CARMIL2: variants seen among roughly 807,000 people sequenced by gnomAD.
CARMIL2 encodes capping protein, Arp2/3 and myosin-I linker protein 2.
CARMIL2 carries 96 observed loss-of-function variants against 173.3 expected under a neutral mutation model. The observed-to-expected ratio is 0.55, with a 90% CI of 0.47 to 0.66. The LOEUF is 0.66. CARMIL2 is among the 30% of genes least tolerant of loss of function. The pLI is 0.00. For missense variants in CARMIL2, 1,771 were observed against 1,906.7 expected (o/e 0.93, Z 1.33); for synonymous variants, 830 against 817.1 (o/e 1.02, Z -0.27).
In CARMIL2 at chr16:67,653,034, C is replaced by G. The variant is rs2142940793; in HGVS notation, c.2900C>G (p.Ala967Gly). 7.9e-7 allele frequency: 1 copy of G among 1,265,340 alleles called. No homozygotes were observed. Among genetic ancestry groups the G allele is most frequent in the Non-Finnish European group, 1.0e-6 (1 of 992,228 alleles). The allele number at this position is 1,265,340 out of a possible 1,614,324, so 78.4% of individuals were successfully genotyped here. A position where few individuals can be genotyped will look rare whatever the true frequency, so the allele number is the denominator to read the frequency against. The part of the protein sequence containing the change: ...VPFIHSAAEE[A>G]EPEPELAAPG... Reference sequence around the variant, plus strand: ...GTCCCCTCAGGTGCTGCTGAGGAAGCGGAGCCGGAGCCCGAGCTGGCGGCT... The same window carrying G: ...GTCCCCTCAGGTGCTGCTGAGGAAGGGGAGCCGGAGCCCGAGCTGGCGGCT... Residue 967 changes from alanine to glycine, a missense_variant, in exon 29 of 38, where the codon GCG becomes GGG. Physicochemically the swap from Ala to Gly is moderately conservative, Grantham distance 60. This residue lies in a region of CARMIL2 where 817 missense variants were observed against 903.5 expected (regional missense o/e 0.90). Transcript: ENST00000334583. The surrounding 1 kb of genome is among the most constrained non-coding windows in gnomAD (Gnocchi z 7.4).
chr16:67,648,227 T>C lies in CARMIL2; in HGVS notation c.1247T>C (p.Leu416Pro), dbSNP rs1567628990. Residue 416 changes from leucine (L) to proline (P), a missense_variant, in exon 14 of 38, where the codon CTC (leucine) becomes CCC (proline). Transcript: ENST00000334583. This position sits in a 1 kb window ranked among gnomAD's most constrained non-coding sequence, Gnocchi z 6.1. ...CCCCCCGCGGGTGTAGCCAACAGCC[T>C]CCCCCCGCAGCTCTTCGCAGCGGTA... ...LGPPAGVANS[L>P]PPQLFAAVSR... The C allele has an allele frequency of 1.9e-6, 3 of 1,599,254 alleles. No individual in the cohort carries two copies. The highest frequency in any genetic ancestry group is 1.7e-5 in the Admixed American group (1 of 58,448).
rs753595810 is a variant in CARMIL2, at chr16:67,647,145, C to A, written c.641C>A (p.Ser214Tyr). ...RDLALSVAALSYNLWFRCLSC... is the reference protein window; with the variant it reads ...RDLALSVAALYYNLWFRCLSC... ...CTGGCCTTGAGTGTGGCTGCCCTGT[C>A]CTACAACCTGTGGTTCCGGTGCCTC... Residue 214 changes from serine (S) to tyrosine (Y), a missense_variant, in exon 9 of 38, where the codon TCC becomes TAC. Around this residue, in one of 3 missense-constraint regions of CARMIL2, gnomAD observed 944 missense variants for 975.6 expected, o/e 0.97. Coordinates refer to ENST00000334583, the MANE Select transcript of CARMIL2 (RefSeq NM_001013838.3). 169 of 1,613,720 alleles carry A rather than the reference C, an allele frequency of 1.0e-4. No individual in the cohort carries two copies. The highest frequency in any genetic ancestry group is 1.4e-4 in the Non-Finnish European group (165 of 1,179,888).
rs1177566376 is a variant in CARMIL2 at position 67,649,694 on chromosome 16, G to A, written c.1919+75G>A. The A allele has an allele frequency of 2.6e-6, 4 of 1,560,148 alleles. No homozygotes were observed. Among genetic ancestry groups the A allele is most frequent in the Non-Finnish European group, 3.5e-6 (4 of 1,154,558 alleles). On this transcript the variant is annotated intron_variant, in intron 20 of 37. Transcript: ENST00000334583. This position sits in a 1 kb window ranked among gnomAD's most constrained non-coding sequence, Gnocchi z 6.7. The stretch of plus-strand genomic sequence containing the variant: ...AGGAGGGCACCGGGCTAAGGGGAGG[G>A]ACTGAATGAGGCGGAGCAAATGGAG...
At chr16:67,647,630 G>T in intron 11 of CARMIL2, 28 bp downstream of exon 11, 1 of 1,603,342 alleles carries the variant, frequency 6.2e-7, no homozygotes, top group East Asian at 2.2e-5. Flanking sequence ...GACCGCAGGG[G>T]TGGGCAGCAG....
Position 67,654,657 on chromosome 16 carries a change from G to A in CARMIL2, c.3547G>A (p.Glu1183Lys), listed in dbSNP as rs754498065. The A allele has an allele frequency of 1.3e-6, 2 of 1,586,436 alleles. No homozygotes were observed. The highest frequency in any genetic ancestry group is 8.6e-7 in the Non-Finnish European group (1 of 1,164,890). The change falls in exon 31 of 38, where the codon GAG (glutamate) becomes AAG (lysine). Residue 1183 changes from glutamate (E) to lysine (K), a missense_variant. By Grantham distance (56) the Glu-to-Lys change is moderately conservative. This residue lies in a region of CARMIL2 where 817 missense variants were observed against 903.5 expected (regional missense o/e 0.90). Transcript: ENST00000334583. ...KAYSMILLPA[E>K]EEATLGARPD... ...CTACTCGATGATACTGCTGCCTGCC[G>A]AGGAGGAGGCAACGCTGGGTGCCAG...
Position 67,649,829 on chromosome 16 carries a change from A to C in CARMIL2, c.1943A>C (p.His648Pro). ...RLRSVVWDRN[H>P]TSALGLLDVA... ...AGGTCTGTGGTCTGGGACCGGAACC[A>C]CACATCTGCTTTGGGTCTGCTGGAC... is the stretch of plus-strand genomic sequence containing the variant. Residue 648 changes from histidine (H) to proline (P), a missense_variant, in exon 21 of 38, where the codon CAC becomes CCC. This residue lies in a region of CARMIL2 where 944 missense variants were observed against 975.6 expected (regional missense o/e 0.97). Transcript: ENST00000334583. This position sits in a 1 kb window ranked among gnomAD's most constrained non-coding sequence, Gnocchi z 6.7. 2 of 1,612,510 alleles carry C rather than the reference A, an allele frequency of 1.2e-6. No individual in the cohort carries two copies. Among genetic ancestry groups the C allele is most frequent in the Non-Finnish European group, 1.7e-6 (2 of 1,179,602 alleles).
In CARMIL2 at chr16:67,649,557, C is replaced by T; in HGVS notation, c.1857C>T (p.Asn619=). ...PNLTALDISG[N]AMGDAGAKLL... ...TGACCGCGCTGGATATCAGCGGCAA[C>T]GCCATGGGGGACGCGGGCGCCAAGT... Residue 619 remains asparagine, a synonymous_variant, in exon 20 of 38, where the codon AAC becomes AAT. Transcript: ENST00000334583. This position sits in a 1 kb window ranked among gnomAD's most constrained non-coding sequence, Gnocchi z 6.7. 6.2e-7 allele frequency: 1 copy of T among 1,603,534 alleles called. No homozygotes were observed. Among genetic ancestry groups the T allele is most frequent in the Non-Finnish European group, 8.5e-7 (1 of 1,179,734 alleles).
Position 67,646,605 on chromosome 16 carries a change from C to T in CARMIL2, c.466+88C>T, listed in dbSNP as rs1246066502. 1.3e-6 allele frequency: 2 copies of T among 1,567,614 alleles called. No homozygotes were observed. The highest frequency in any genetic ancestry group is 1.8e-6 in the Non-Finnish European group (2 of 1,140,154). On this transcript the variant is annotated intron_variant, in intron 6 of 37. Coordinates refer to ENST00000334583, the MANE Select transcript of CARMIL2 (RefSeq NM_001013838.3). This position sits in a 1 kb window ranked among gnomAD's most constrained non-coding sequence, Gnocchi z 4.6. ...CAAGCTGGGGGGGCCCCAAACTGAA[C>T]AGAGCCATTCAGGTCCCAGCCACCA...
Position 67,653,325 on chromosome 16 carries a change from G to T in CARMIL2, c.3120+71G>T. 1 of 771,086 alleles carries T rather than the reference G, an allele frequency of 1.3e-6. No homozygotes were observed. Among genetic ancestry groups the T allele is most frequent in the Non-Finnish European group, 1.7e-6 (1 of 604,580 alleles). 47.8% of individuals were successfully genotyped at this position (771,086 alleles called of 1,614,324 possible). On this transcript the variant is annotated intron_variant, in intron 29 of 37. Coordinates refer to ENST00000334583, the MANE Select transcript of CARMIL2 (RefSeq NM_001013838.3). This position sits in a 1 kb window ranked among gnomAD's most constrained non-coding sequence, Gnocchi z 7.4. ...CGGGTGGCCCGGCCGCTCCTCATGG[G>T]TGGTAGCGGTCAAGGAGAGGGGGTG...
chr16:67,653,131 C>G lies in CARMIL2; in HGVS notation c.2997C>G (p.Pro999=). The change falls in exon 29 of 38, where the codon CCC becomes CCG. Residue 999 remains proline, a synonymous_variant. Coordinates refer to ENST00000334583, the MANE Select transcript of CARMIL2 (RefSeq NM_001013838.3). The surrounding 1 kb of genome is among the most constrained non-coding windows in gnomAD (Gnocchi z 7.4). ...RGSPSPAAPG[P]PAGPLPRMDL... is the part of the protein sequence containing the mutation. ...CTCCGAGCCCTGCCGCCCCTGGGCC[C>G]CCGGCCGGCCCGCTGCCCCGCATGG... 2.7e-6 allele frequency: 3 copies of G among 1,115,888 alleles called. No homozygotes were observed. Among genetic ancestry groups the G allele is most frequent in the South Asian group, 3.1e-5 (1 of 32,002 alleles). The allele number at this position is 1,115,888 out of a possible 1,614,324, so 69.1% of individuals were successfully genotyped here. A position where few individuals can be genotyped will look rare whatever the true frequency, so the allele number is the denominator to read the frequency against.
At position 67,652,510 on chromosome 16, in the gene CARMIL2, C is replaced by T. The variant is rs368511723; in HGVS notation, c.2856C>T (p.His952=). The change falls in exon 28 of 38, where the codon CAC becomes CAT. Residue 952 remains histidine, a synonymous_variant. Transcript: ENST00000334583. The surrounding 1 kb of genome is among the most constrained non-coding windows in gnomAD (Gnocchi z 4.7). ...CACAGAAATGGCCTGAGCTCAGCCA[C>T]GGTCTTCACCTGGTCCCCTTCATTC... ...SPPQKWPELS[H]GLHLVPFIHS... is the part of the protein sequence containing the mutation. The T allele has an allele frequency of 5.0e-6, 8 of 1,613,476 alleles. No individual in the cohort carries two copies. Among genetic ancestry groups the T allele is most frequent in the Non-Finnish European group, 6.8e-6 (8 of 1,179,798 alleles).
In CARMIL2 at chr16:67,651,594, CT is replaced by C; in HGVS notation, c.2427+81del. On this transcript the variant is annotated intron_variant, in intron 24 of 37. Transcript: ENST00000334583. This position sits in a 1 kb window ranked among gnomAD's most constrained non-coding sequence, Gnocchi z 4.2. Reference sequence around the variant, plus strand: ...CCTTTAGTTTTAACTGTGATATCCCCTGACTCAATATTCTGTTGGAGTTGGA... The same window carrying C: ...CCTTTAGTTTTAACTGTGATATCCCCGACTCAATATTCTGTTGGAGTTGGA... 1 of 1,566,846 alleles carries C rather than the reference CT, an allele frequency of 6.4e-7. No homozygotes were observed. The highest frequency in any genetic ancestry group is 1.2e-5 in the South Asian group (1 of 85,774).
At chr16:67,645,455 C>G in intron 1 of CARMIL2, 85 bp from the exon 2 acceptor site, 1 of 1,416,304 alleles carries the variant, frequency 7.1e-7, no homozygotes, top group Non-Finnish European at 9.8e-7. Flanking sequence ...CAGATAAGCC[C>G]CAGGGCCCCA....
intron 1 of CARMIL2, 47 bp from the exon 2 acceptor site, chr16:67,645,493 G>C (rs775280877): frequency 6.7e-7 from 1 of 1,495,006 alleles, no homozygotes. Context: ...GGCACCAGTG[G>C]CTTCTGTGCA....
chr16:67,655,999 G>A (rs933656757), intron 32 of CARMIL2, 32 bp from the exon 33 acceptor site: 3 of 1,570,220 alleles, frequency 1.9e-6, no homozygotes, highest in African/African-American at 2.7e-5. Context: ...GGAGCGGGCA[G>A]GGCTGGAATC....
At position 67,656,276 on chromosome 16, in the gene CARMIL2, C is replaced by G; in HGVS notation, c.3791C>G (p.Ser1264Cys). The G allele has an allele frequency of 6.2e-7, 1 of 1,614,002 alleles. No individual in the cohort carries two copies. The highest frequency in any genetic ancestry group is 8.5e-7 in the Non-Finnish European group (1 of 1,179,890). ...GAGGCCCCTCCCATCTCGATCAAGT[C>G]CCGCACCCACTCTGTGTCTGCTGGT... ...STEAPPISIKSRTHSVSADPS... is the reference protein window; with the variant it reads ...STEAPPISIKCRTHSVSADPS... Residue 1264 changes from serine (S) to cysteine (C), a missense_variant, in exon 34 of 38, where the codon TCC becomes TGC. Physicochemically the swap from Ser to Cys is moderately radical, Grantham distance 112 (BLOSUM62 -1). Transcript: ENST00000334583.
Position 67,653,245 on chromosome 16 carries a change from G to A in CARMIL2, c.3111G>A (p.Gly1037=). Residue 1037 remains glycine (G), a synonymous_variant, in exon 29 of 38, where the codon GGG becomes GGA. Transcript: ENST00000334583. This position sits in a 1 kb window ranked among gnomAD's most constrained non-coding sequence, Gnocchi z 7.4. ...RRQHHHRPPP[G]GPQVPPALPQ... is the part of the protein sequence containing the mutation. ...AGCACCACCACCGCCCGCCGCCGGG[G>A]GGCCCCCAGGTGAGCACCCTTCCCC... The A allele has an allele frequency of 8.8e-7, 1 of 1,140,224 alleles. No homozygotes were observed. The highest frequency in any genetic ancestry group is 1.1e-6 in the Non-Finnish European group (1 of 927,984). The allele number at this position is 1,140,224 out of a possible 1,614,324, so 70.6% of individuals were successfully genotyped here.
chr16:67,653,787 G>T lies in CARMIL2; in HGVS notation c.3121-362G>T, dbSNP rs560582428. Among the ~76,000 whole-genome samples, 1 of 152,186 alleles carries T rather than the reference G, an allele frequency of 6.6e-6. No homozygotes were observed. Among genetic ancestry groups the T allele is most frequent in the South Asian group, 2.1e-4 (1 of 4,828 alleles). ...CAGCAGGCCGGGTGGAGTGGGGGTG[G>T]GGTGGGGGACACTGCAGGGAACTGT... is the stretch of plus-strand genomic sequence containing the variant. On this transcript the variant is annotated intron_variant, in intron 29 of 37. Coordinates refer to ENST00000334583, the MANE Select transcript of CARMIL2 (RefSeq NM_001013838.3). This position sits in a 1 kb window ranked among gnomAD's most constrained non-coding sequence, Gnocchi z 7.4.
chr16:67,652,951 G>T lies in CARMIL2; in HGVS notation c.2885-68G>T. ...CCGCGCCCTGGGCGGGTCCCCCGCC[G>T]CCCTAGCGCCTCCGCCGCCACCTCC... On this transcript the variant is annotated intron_variant, in intron 28 of 37. Coordinates refer to ENST00000334583, the MANE Select transcript of CARMIL2 (RefSeq NM_001013838.3). This position sits in a 1 kb window ranked among gnomAD's most constrained non-coding sequence, Gnocchi z 4.7. The T allele has an allele frequency of 2.5e-6, 2 of 806,148 alleles. No individual in the cohort carries two copies. The highest frequency in any genetic ancestry group is 1.7e-6 in the Non-Finnish European group (1 of 603,852). The allele number at this position is 806,148 out of a possible 1,614,324, so 49.9% of individuals were successfully genotyped here. A position where few individuals can be genotyped will look rare whatever the true frequency, so the allele number is the denominator to read the frequency against.
Sources: allele counts gnomAD v4.1 joint callset (sites outside exome capture counted in the v4.1 genomes callset), GRCh38; gene constraint gnomAD v4.1.1; regional missense constraint gnomAD v4.1.1; non-coding constraint Gnocchi (gnomAD v3.1); transcripts MANE v1.5; gene names NCBI Gene and HGNC (gene_info 2026-07-23, HGNC 2026-07-21).